Variants in CARF observed in about 807,000 individuals in gnomAD.
CARF encodes calcium responsive transcription factor.
A neutral mutation model predicts 82.0 loss-of-function variants in CARF; 57 were observed. That is an observed-to-expected ratio of 0.70 (90% CI 0.56 to 0.87). CARF has a LOEUF of 0.87. Ranked by LOEUF, CARF falls within the 40% of genes least tolerant of loss-of-function variation. The pLI, the probability that CARF is intolerant of heterozygous loss-of-function variation, is 0.00. For synonymous variants in CARF, 268 were observed against 290.1 expected, an observed-to-expected ratio of 0.92 and a Z score of 0.77; for missense variants, 771 against 855.8, an observed-to-expected ratio of 0.90 and a Z score of 1.24.
intron 3 of CARF, among the ~76,000 whole-genome samples, chr2:202,940,179 A>T (rs1390929619): frequency 6.6e-6 from 1 of 152,020 alleles, no homozygotes; most frequent in Non-Finnish European, 1.5e-5. Flanking sequence ...GATTACAGGC[A>T]TGCATCACTG....
At chr2:202,915,144 G>A (rs1371015488) in intron 1 of CARF, among the ~76,000 whole-genome samples, 2 of 151,696 alleles carry the variant, frequency 1.3e-5, no homozygotes, top group Non-Finnish European at 2.9e-5. Context: ...AGCTTCCCGA[G>A]TAGCTGGGAC....
At chr2:202,974,885 C>T (rs1337664270) in intron 13 of CARF, among the ~76,000 whole-genome samples, 1 of 151,552 alleles carries the variant, frequency 6.6e-6, no homozygotes, top group Non-Finnish European at 1.5e-5. Context: ...GGAGACTCAG[C>T]GAGACTCCAT....
intron 9 of CARF, among the ~76,000 whole-genome samples, chr2:202,966,328 A>G: frequency 6.6e-6 from 1 of 152,224 alleles, no homozygotes; most frequent in Non-Finnish European, 1.5e-5. Context: ...AAACAAGAAA[A>G]TAATTATAAA....
chr2:202,974,724 C>G (rs2059953756), intron 13 of CARF, among the ~76,000 whole-genome samples: 1 of 151,746 alleles, frequency 6.6e-6, no homozygotes, highest in Admixed American at 6.6e-5. Context: ...CACGGTGAAA[C>G]CCCATCTCTA....
intron 3 of CARF, among the ~76,000 whole-genome samples, chr2:202,931,971 G>C (rs1693021079): frequency 1.3e-5 from 2 of 152,180 alleles, no homozygotes; most frequent in East Asian, 3.9e-4. Flanking sequence ...ATTGGTTCAT[G>C]GTTCTGCAGG....
chr2:202,918,468 CCGAGAGCTTGCAGTGAGT>C (rs995545271), intron 2 of CARF, among the ~76,000 whole-genome samples: 11 of 152,002 alleles, frequency 7.2e-5, no homozygotes, highest in African/African-American at 2.7e-4. Context: ...TTGCAGTGAG[CCGAGAGCTTGCAGTGAGT>C]GCCACTGCAC....
chr2:202,961,365 T>A lies in CARF; in HGVS notation c.771T>A (p.Ala257=), dbSNP rs897582900. 1 of 1,614,070 alleles carries A rather than the reference T, an allele frequency of 6.2e-7. No individual in the cohort carries two copies. Among genetic ancestry groups the A allele is most frequent in the East Asian group, 2.2e-5 (1 of 44,896 alleles). ...TRQSPSPAKP[A]TRLMWKSQYV... Reference sequence around the variant, plus strand: ...AGTCTCCAAGCCCAGCCAAGCCTGCTACACGCTTGATGTGGAAATCCCAGT... The same window carrying A: ...AGTCTCCAAGCCCAGCCAAGCCTGCAACACGCTTGATGTGGAAATCCCAGT... Residue 257 remains alanine, a synonymous_variant, in exon 9 of 17, where the codon GCT becomes GCA. Coordinates refer to ENST00000438828, the MANE Select transcript of CARF (RefSeq NM_024744.17).
intron 1 of CARF, among the ~76,000 whole-genome samples, chr2:202,914,061 A>G (rs1689144227): frequency 6.6e-6 from 1 of 152,288 alleles, no homozygotes; most frequent in East Asian, 1.9e-4. Context: ...ACAATGATTT[A>G]TGTGTCGTGT....
intron 3 of CARF, among the ~76,000 whole-genome samples, chr2:202,935,870 GCAGTGGTA>G (rs1391692378): frequency 1.3e-5 from 2 of 152,072 alleles, no homozygotes; most frequent in Admixed American, 1.3e-4. Context: ...ACGCTGAATT[GCAGTGGTA>G]CAGTCACAGC....
intron 3 of CARF, among the ~76,000 whole-genome samples, chr2:202,941,640 A>G (rs769379367): frequency 1.3e-5 from 2 of 152,240 alleles, no homozygotes; most frequent in South Asian, 4.1e-4. Context: ...AGATAGGATG[A>G]GGGAACTATA....
At chr2:202,982,010 C>T in intron 15 of CARF, 62 bp from the exon 16 acceptor site, 2 of 1,519,556 alleles carry the variant, frequency 1.3e-6, no homozygotes, top group Admixed American at 2.1e-5. Flanking sequence ...AATTGTATAT[C>T]CTATGAGAAT....
chr2:202,981,887 A>G (rs530199854), intron 15 of CARF, among the ~76,000 whole-genome samples, 185 bp from the exon 16 acceptor site: 21 of 152,362 alleles, frequency 1.4e-4, no homozygotes, highest in Non-Finnish European at 2.2e-4. Context: ...AAAGTTGACT[A>G]TGAATGCAGT....
chr2:202,955,665 C>A lies in CARF; in HGVS notation c.558-9C>A. 6 of 1,597,208 alleles carry A rather than the reference C, an allele frequency of 3.8e-6. No homozygotes were observed. The highest frequency in any genetic ancestry group is 5.1e-6 in the Non-Finnish European group (6 of 1,170,598). On this transcript the variant is annotated splice_polypyrimidine_tract_variant and intron_variant, in intron 7 of 16. Transcript: ENST00000438828. Reference sequence around the variant, plus strand: ...CTGCATATTTATATATATTCCTCTCCTATCCCAGAATGCTGGAAGAACCCC... The same window carrying A: ...CTGCATATTTATATATATTCCTCTCATATCCCAGAATGCTGGAAGAACCCC...
chr2:202,967,409 G>C (rs1299362126), intron 10 of CARF, among the ~76,000 whole-genome samples: 4 of 152,138 alleles, frequency 2.6e-5, no homozygotes, highest in African/African-American at 9.7e-5. Context: ...TTACATAGTA[G>C]TGTACCTTTT....
At chr2:202,922,613 G>C (rs1323018826) in intron 2 of CARF, among the ~76,000 whole-genome samples, 3 of 151,840 alleles carry the variant, frequency 2.0e-5, no homozygotes, top group Admixed American at 6.6e-5. Context: ...GACAAGCCTG[G>C]TCAACATGTG....
Position 202,985,136 on chromosome 2 carries a change from A to C in CARF, c.*1512A>C, listed in dbSNP as rs1327684089. 1 of 152,038 alleles carries C rather than the reference A, an allele frequency of 6.6e-6. No homozygotes were observed. The highest frequency in any genetic ancestry group is 1.5e-5 in the Non-Finnish European group (1 of 68,006). 9.4% of individuals were successfully genotyped at this position (152,038 alleles called of 1,614,324 possible). A position where few individuals can be genotyped will look rare whatever the true frequency, so the allele number is the denominator to read the frequency against. On this transcript the variant is annotated 3_prime_UTR_variant, in exon 17 of 17. Transcript: ENST00000438828. The stretch of plus-strand genomic sequence containing the variant: ...TTAACCTAAAGGCTTTTGTTTCTCC[A>C]GAGACCATTTGTGGGTATATTTTAT...
At chr2:202,941,836 G>T in intron 3 of CARF, 24 bp from the exon 4 acceptor site, 2 of 1,245,444 alleles carry the variant, frequency 1.6e-6, no homozygotes, top group South Asian at 1.2e-5. Context: ...TGCTTTAGTT[G>T]ATCAGCTATT....
At chr2:202,917,002 A>G (rs1381198548) in intron 1 of CARF, among the ~76,000 whole-genome samples, 3 of 152,104 alleles carry the variant, frequency 2.0e-5, no homozygotes, top group Non-Finnish European at 4.4e-5. Context: ...CGAAGTCAGG[A>G]GATCGAGACC....
intron 3 of CARF, among the ~76,000 whole-genome samples, chr2:202,940,819 G>A (rs1288858464): frequency 3.3e-5 from 5 of 152,196 alleles, no homozygotes; most frequent in East Asian, 1.9e-4. Context: ...TGGAGTTGGG[G>A]GGAGGGGAGG....
Sources: allele counts gnomAD v4.1 joint callset (sites outside exome capture counted in the v4.1 genomes callset), GRCh38; gene constraint gnomAD v4.1.1; transcripts MANE v1.5; gene names NCBI Gene and HGNC (gene_info 2026-07-23, HGNC 2026-07-21).